Variants in KIAA1328 observed in about 807,000 individuals in gnomAD.
KIAA1328 encodes the protein protein hinderin.
KIAA1328 carries 52 observed loss-of-function variants against 68.1 expected under a neutral mutation model. The ratio of observed to expected loss-of-function variants is 0.76; its 90% CI spans 0.61 to 0.96. The LOEUF is 0.96. KIAA1328 is among the 40% of genes least tolerant of loss of function. KIAA1328 has a pLI of 0.00. For synonymous variants in KIAA1328, 232 were observed against 239.4 expected (o/e 0.97, Z 0.28); for missense variants, 641 against 677.6 (o/e 0.95, Z 0.60).
chr18:37,036,834 A>G (rs1224500256), intron 6 of KIAA1328, among the ~76,000 whole-genome samples: 2 of 152,184 alleles, frequency 1.3e-5, no homozygotes, highest in Non-Finnish European at 2.9e-5. Context: ...TTTAGTCTAG[A>G]TTAAAGAACT....
intron 9 of KIAA1328, among the ~76,000 whole-genome samples, chr18:37,213,544 A>G (rs1289811197): frequency 3.9e-5 from 6 of 152,150 alleles, no homozygotes; most frequent in Admixed American, 6.5e-5. Flanking sequence ...AATCATGTCT[A>G]TCATTGATGG....
At position 37,222,023 on chromosome 18, in the gene KIAA1328, G is replaced by C. The variant is rs1440351532; in HGVS notation, c.1530G>C (p.Glu510Asp). 2 of 1,613,262 alleles carry C rather than the reference G, an allele frequency of 1.2e-6. No homozygotes were observed. The highest frequency in any genetic ancestry group is 1.1e-5 in the South Asian group (1 of 90,894). The change falls in exon 10 of 10, where the codon GAG becomes GAC. Residue 510 changes from glutamate to aspartate, a missense_variant. Coordinates refer to ENST00000280020, the MANE Select transcript of KIAA1328 (RefSeq NM_020776.3). ...PSLQHTTSRY[E>D]TSLLDLVQSL... The stretch of plus-strand genomic sequence containing the variant: ...TGGGTTATATGTCTTACAGGTATGA[G>C]ACATCTTTGTTGGATTTGGTTCAGT...
At chr18:36,925,592 A>C (rs2050084154) in intron 5 of KIAA1328, among the ~76,000 whole-genome samples, 1 of 150,664 alleles carries the variant, frequency 6.6e-6, no homozygotes. Context: ...CCTGGAGTGC[A>C]GTGGTGCCAT....
At chr18:37,188,177 A>T (rs1375762838) in intron 9 of KIAA1328, among the ~76,000 whole-genome samples, 1 of 152,214 alleles carries the variant, frequency 6.6e-6, no homozygotes, top group African/African-American at 2.4e-5. Flanking sequence ...CATAAGTGCT[A>T]TGCCAGATAG....
chr18:36,950,862 C>G (rs1027396688), intron 5 of KIAA1328, among the ~76,000 whole-genome samples: 3 of 152,186 alleles, frequency 2.0e-5, no homozygotes, highest in Non-Finnish European at 4.4e-5. Context: ...AAACATCTCT[C>G]TTTTGTAAAG....
intron 7 of KIAA1328, among the ~76,000 whole-genome samples, chr18:37,149,724 G>C (rs2058985536): frequency 6.6e-6 from 1 of 152,124 alleles, no homozygotes; most frequent in South Asian, 2.1e-4. Flanking sequence ...TCATGATAGA[G>C]TCTGTGACTG....
At chr18:36,835,462 A>G in intron 3 of KIAA1328, 86 bp downstream of exon 3, 2 of 1,198,002 alleles carry the variant, frequency 1.7e-6, no homozygotes, top group Non-Finnish European at 2.3e-6. Flanking sequence ...CTTTGAAAGT[A>G]TACTAGGTGA....
chr18:37,135,352 G>A (rs534287931), intron 7 of KIAA1328, among the ~76,000 whole-genome samples: 1 of 152,126 alleles, frequency 6.6e-6, no homozygotes, highest in Non-Finnish European at 1.5e-5. Flanking sequence ...CTACAGTCTC[G>A]CCAGCAACTG....
intron 7 of KIAA1328, among the ~76,000 whole-genome samples, chr18:37,147,390 C>T (rs1240926327): frequency 1.3e-5 from 2 of 151,886 alleles, no homozygotes; most frequent in Non-Finnish European, 2.9e-5. Flanking sequence ...TTTCTTTTCA[C>T]GTCTGGTAAT....
intron 6 of KIAA1328, among the ~76,000 whole-genome samples, chr18:36,978,785 A>G (rs1044629162): frequency 1.3e-5 from 2 of 152,160 alleles, no homozygotes; most frequent in Admixed American, 1.3e-4. Context: ...CAGTACTTCA[A>G]GATTGTAGTC....
chr18:37,213,051 A>C (rs1375182800), intron 9 of KIAA1328, among the ~76,000 whole-genome samples: 2 of 152,216 alleles, frequency 1.3e-5, no homozygotes, highest in Non-Finnish European at 2.9e-5. Context: ...AAACTCATTT[A>C]TTAGGTCATC....
At chr18:37,204,240 G>A (rs1051875774) in intron 9 of KIAA1328, among the ~76,000 whole-genome samples, 5 of 152,192 alleles carry the variant, frequency 3.3e-5, no homozygotes, top group Admixed American at 3.3e-4. Context: ...TGTCAAACCA[G>A]TAGACTCAGG....
intron 5 of KIAA1328, among the ~76,000 whole-genome samples, chr18:36,933,371 T>C (rs1337653730): frequency 6.6e-6 from 1 of 152,064 alleles, no homozygotes; most frequent in East Asian, 1.9e-4. Context: ...CAATCAGTGG[T>C]GCTATGCTGT....
intron 6 of KIAA1328, among the ~76,000 whole-genome samples, chr18:36,968,314 A>G (rs2052027080): frequency 1.3e-5 from 2 of 152,196 alleles, no homozygotes; most frequent in South Asian, 4.1e-4. Flanking sequence ...GTGAAAAGGC[A>G]CAGAGTAGCA....
intron 7 of KIAA1328, among the ~76,000 whole-genome samples, chr18:37,115,089 A>G (rs1198552737): frequency 2.0e-5 from 3 of 152,294 alleles, no homozygotes; most frequent in East Asian, 3.9e-4. Flanking sequence ...AGAGGTACAA[A>G]GTGGAGCTGG....
chr18:37,056,760 C>T (rs766132547), intron 6 of KIAA1328, among the ~76,000 whole-genome samples: 1 of 152,132 alleles, frequency 6.6e-6, no homozygotes, highest in African/African-American at 2.4e-5. Flanking sequence ...AAGCAGTTCT[C>T]CTGCTTCAGC....
At chr18:37,142,606 CACACACACACACACAA>C (rs1197254058) in intron 7 of KIAA1328, among the ~76,000 whole-genome samples, 1 of 151,976 alleles carries the variant, frequency 6.6e-6, no homozygotes, top group Non-Finnish European at 1.5e-5. Context: ...AATGTGTACA[CACACACACACACACAA>C]ACACACACAC....
intron 9 of KIAA1328, among the ~76,000 whole-genome samples, chr18:37,220,002 G>A (rs1177208431): frequency 1.3e-5 from 2 of 152,168 alleles, no homozygotes; most frequent in African/African-American, 2.4e-5. Context: ...ATTTTGAGGA[G>A]GATCTTTCTG....
intron 5 of KIAA1328, among the ~76,000 whole-genome samples, chr18:36,956,851 C>G (rs936137766): frequency 6.6e-6 from 1 of 152,218 alleles, no homozygotes; most frequent in Non-Finnish European, 1.5e-5. Flanking sequence ...GGGACCACCA[C>G]AAATCATTCC....
Sources: allele counts gnomAD v4.1 joint callset (sites outside exome capture counted in the v4.1 genomes callset), GRCh38; gene constraint gnomAD v4.1.1; transcripts MANE v1.5; gene names NCBI Gene and HGNC (gene_info 2026-07-23, HGNC 2026-07-21).